The following DHRS13 variants were observed in gnomAD, a reference collection of about 807,000 sequenced individuals.
DHRS13 encodes dehydrogenase/reductase 13, also known as dehydrogenase/reductase SDR family member 13.
Under a neutral mutation model 17.9 loss-of-function variants are expected in DHRS13, and 22 were observed. The ratio of observed to expected loss-of-function variants is 1.23; its 90% CI spans 0.88 to 1.75. The LOEUF (loss-of-function observed/expected upper bound fraction) is 1.75. DHRS13 is among the 40% of genes most tolerant of loss of function. The probability of loss-of-function intolerance (pLI) is 0.00; values close to 1 mark genes in which losing one functional copy is unlikely to be tolerated. For missense variants in DHRS13, 483 were observed against 519.9 expected, an observed-to-expected ratio of 0.93 and a Z score of 0.69; for synonymous variants, 206 against 220.4, an observed-to-expected ratio of 0.93 and a Z score of 0.58.
chr17:28,901,004 T>G lies in DHRS13; in HGVS notation c.668A>C (p.Tyr223Ser). The change falls in exon 4 of 5, where the codon TAT becomes TCT. Residue 223 changes from tyrosine (Y) to serine (S), a missense_variant. Tyr to Ser is a moderately radical substitution (Grantham distance 144, BLOSUM62 -2). Transcript: ENST00000378895. This position sits in a 1 kb window ranked among gnomAD's most constrained non-coding sequence, Gnocchi z 4.3. ...CCAGACCTCACCTGGGTGGGCTGCA[T>G]AGCAGGTGACGCCAGTGGCCTCAAG... ...NQLEATGVTCYAAHPGPVNSE... is the reference protein window; with the variant it reads ...NQLEATGVTCSAAHPGPVNSE... The G allele has an allele frequency of 6.3e-7, 1 of 1,599,512 alleles. No homozygotes were observed. The highest frequency in any genetic ancestry group is 8.5e-7 in the Non-Finnish European group (1 of 1,170,354).
Position 28,898,582 on chromosome 17 carries a change from C to T in DHRS13, c.993G>A (p.Glu331=). Residue 331 remains glutamate, a synonymous_variant, in exon 5 of 5, where the codon GAG becomes GAA. Transcript: ENST00000378895. ...PDEDPQSEDS[E]APSSLSTPHP... ...GGGGGGTGCTTAGAGAAGATGGGGC[C>T]TCTGAGTCCTCAGACTGGGGGTCTT... 25 of 1,612,612 alleles carry T rather than the reference C, an allele frequency of 1.6e-5. No homozygotes were observed. The highest frequency in any genetic ancestry group is 2.1e-5 in the Non-Finnish European group (25 of 1,179,482).
chr17:28,900,816 C>T (rs1474674321), intron 4 of DHRS13, among the ~76,000 whole-genome samples, 174 bp downstream of exon 4: 2 of 152,114 alleles, frequency 1.3e-5, no homozygotes, highest in Non-Finnish European at 2.9e-5. Context: ...ACCAGGAGAA[C>T]CTGGTTCCAA....
rs2039773068 is a variant in DHRS13 at position 28,897,985 on chromosome 17, CTG to C, written c.*454_*455del. On this transcript the variant is annotated 3_prime_UTR_variant, in exon 5 of 5. Coordinates refer to ENST00000378895, the MANE Select transcript of DHRS13 (RefSeq NM_144683.4). This position sits in a 1 kb window ranked among gnomAD's most constrained non-coding sequence, Gnocchi z 4.4. The stretch of plus-strand genomic sequence containing the variant: ...AGATCCCAGGCCCTCCTCCTACTCA[CTG>C]TGAGACCCTAGGCGAGTCCCTTAGC... 4.7e-6 allele frequency: 1 copy of C among 212,930 alleles called. No individual in the cohort carries two copies. The highest frequency in any genetic ancestry group is 9.2e-6 in the Non-Finnish European group (1 of 108,672). 13.2% of individuals were successfully genotyped at this position (212,930 alleles called of 1,614,324 possible).
rs567764579 is a variant in DHRS13, at chr17:28,902,030, G to GC, written c.247-415dup. The GC allele has an allele frequency of 3.6e-4, 63 of 176,434 alleles. No homozygotes were observed. The South Asian group carries it at 3.9e-3, about 11-fold the overall frequency. 10.9% of individuals were successfully genotyped at this position (176,434 alleles called of 1,614,324 possible). A position where few individuals can be genotyped will look rare whatever the true frequency, so the allele number is the denominator to read the frequency against. ...CACTGGTCTCCTCTCTCCCGCTCTT[G>GC]CCCCCCCACTCCAGGCACCACGCAG... On this transcript the variant is annotated intron_variant, in intron 2 of 4. Coordinates refer to ENST00000378895, the MANE Select transcript of DHRS13 (RefSeq NM_144683.4). This position sits in a 1 kb window ranked among gnomAD's most constrained non-coding sequence, Gnocchi z 4.0.
Position 28,898,492 on chromosome 17 carries a change from C to T in DHRS13, c.1083G>A (p.Lys361=), listed in dbSNP as rs755793057. The part of the protein sequence containing the change: ...PSPQSSPDLS[K]MTHRIQAKVE... The stretch of plus-strand genomic sequence containing the variant: ...CTTTAGCCTGAATTCGGTGCGTCAT[C>T]TTAGACAAATCTGGTGAGCTCTGAG... The change falls in exon 5 of 5, where the codon AAG becomes AAA. Residue 361 remains lysine (K), a synonymous_variant. Coordinates refer to ENST00000378895, the MANE Select transcript of DHRS13 (RefSeq NM_144683.4). 6.3e-7 allele frequency: 1 copy of T among 1,594,030 alleles called. No homozygotes were observed. The highest frequency in any genetic ancestry group is 2.3e-5 in the East Asian group (1 of 44,042).
rs754914677 is a variant in DHRS13, at chr17:28,901,510, A to G, written c.353T>C (p.Ile118Thr). The G allele has an allele frequency of 1.9e-6, 3 of 1,614,066 alleles. No individual in the cohort carries two copies. The highest frequency in any genetic ancestry group is 4.5e-5 in the East Asian group (2 of 44,882). The change falls in exon 3 of 5, where the codon ATC becomes ACC. Residue 118 changes from isoleucine to threonine, a missense_variant. Physicochemically the swap from Ile to Thr is moderately conservative, Grantham distance 89. Coordinates refer to ENST00000378895, the MANE Select transcript of DHRS13 (RefSeq NM_144683.4). The surrounding 1 kb of genome is among the most constrained non-coding windows in gnomAD (Gnocchi z 4.3). ...AFLSSEPRLD[I>T]LIHNAGISSC... is the part of the protein sequence containing the mutation. The stretch of plus-strand genomic sequence containing the variant: ...CCCCTCACCGGCATTGTGGATGAGG[A>G]TGTCCAACCGTGGCTCAGAGCTCAG...
chr17:28,902,234 T>G lies in DHRS13; in HGVS notation c.246+349A>C. The G allele has an allele frequency of 5.0e-6, 1 of 199,800 alleles. No homozygotes were observed. The highest frequency in any genetic ancestry group is 1.0e-5 in the Non-Finnish European group (1 of 99,216). The allele number at this position is 199,800 out of a possible 1,614,324, so 12.4% of individuals were successfully genotyped here. A position where few individuals can be genotyped will look rare whatever the true frequency, so the allele number is the denominator to read the frequency against. On this transcript the variant is annotated intron_variant, in intron 2 of 4. Coordinates refer to ENST00000378895, the MANE Select transcript of DHRS13 (RefSeq NM_144683.4). This position sits in a 1 kb window ranked among gnomAD's most constrained non-coding sequence, Gnocchi z 4.0. ...CCTCATACTTTGTGCTCCAGCCTCA[T>G]TAAATCTTTTTCTCAGTTTTTCAGA...
chr17:28,900,950 A>G, intron 4 of DHRS13, 40 bp downstream of exon 4: 1 of 1,547,174 alleles, frequency 6.5e-7, no homozygotes. Context: ...TGGGGCAAGG[A>G]AAGGAGAGGG....
At chr17:28,900,956 G>C in intron 4 of DHRS13, 34 bp downstream of exon 4, 1 of 1,552,670 alleles carries the variant, frequency 6.4e-7, no homozygotes, top group Non-Finnish European at 8.7e-7. Context: ...AAGGAAAGGA[G>C]AGGGGAATCG....
chr17:28,901,064 G>A lies in DHRS13; in HGVS notation c.608C>T (p.Ala203Val). 1 of 1,614,170 alleles carries A rather than the reference G, an allele frequency of 6.2e-7. No homozygotes were observed. The highest frequency in any genetic ancestry group is 8.5e-7 in the Non-Finnish European group (1 of 1,180,014). The change falls in exon 4 of 5, where the codon GCT becomes GTT. Residue 203 changes from alanine (A) to valine (V), a missense_variant. Coordinates refer to ENST00000378895, the MANE Select transcript of DHRS13 (RefSeq NM_144683.4). This position sits in a 1 kb window ranked among gnomAD's most constrained non-coding sequence, Gnocchi z 4.3. ...ELRAYADTKL[A>V]NVLFARELAN... The stretch of plus-strand genomic sequence containing the variant: ...GAGCTCCCGGGCAAACAGTACATTA[G>A]CCAGCTTAGTGTCAGCATATGCCCG...
In DHRS13 at chr17:28,899,206, C is replaced by T; in HGVS notation, c.683-314G>A. The T allele has an allele frequency of 3.9e-6, 1 of 258,846 alleles. No individual in the cohort carries two copies. The highest frequency in any genetic ancestry group is 7.3e-6 in the Non-Finnish European group (1 of 136,528). 16.0% of individuals were successfully genotyped at this position (258,846 alleles called of 1,614,324 possible). A position where few individuals can be genotyped will look rare whatever the true frequency, so the allele number is the denominator to read the frequency against. ...TTCGCTTCCATCCAGACTGCTTGTT[C>T]ACCCCACATCCCAGATTTTGTTCAT... On this transcript the variant is annotated intron_variant, in intron 4 of 4. Transcript: ENST00000378895. This position sits in a 1 kb window ranked among gnomAD's most constrained non-coding sequence, Gnocchi z 4.7.
intron 4 of DHRS13, 118 bp downstream of exon 4, chr17:28,900,872 C>T: frequency 8.7e-7 from 1 of 1,152,548 alleles, no homozygotes; most frequent in Non-Finnish European, 1.2e-6. Flanking sequence ...TTCCTTGCTG[C>T]CCTGAGATTC....
At chr17:28,900,028 C>G (rs1463855975) in intron 4 of DHRS13, among the ~76,000 whole-genome samples, 1 of 152,156 alleles carries the variant, frequency 6.6e-6, no homozygotes. Flanking sequence ...ATTCTCCTGC[C>G]TCAGCCTCCT....
In DHRS13 at chr17:28,898,476, G is replaced by C; in HGVS notation, c.1099C>G (p.Gln367Glu). 1.3e-6 allele frequency: 2 copies of C among 1,573,126 alleles called. No individual in the cohort carries two copies. Among genetic ancestry groups the C allele is most frequent in the Non-Finnish European group, 1.7e-6 (2 of 1,158,608 alleles). ...PDLSKMTHRI[Q>E]AKVEPEIQLS Reference sequence around the variant, plus strand: ...TGGATCTCAGGCTCAACTTTAGCCTGAATTCGGTGCGTCATCTTAGACAAA... The same window carrying C: ...TGGATCTCAGGCTCAACTTTAGCCTCAATTCGGTGCGTCATCTTAGACAAA... The change falls in exon 5 of 5, where the codon CAG becomes GAG. Residue 367 changes from glutamine (Q) to glutamate (E), a missense_variant. Coordinates refer to ENST00000378895, the MANE Select transcript of DHRS13 (RefSeq NM_144683.4).
At chr17:28,900,953 G>T in intron 4 of DHRS13, 37 bp downstream of exon 4, 1 of 1,551,784 alleles carries the variant, frequency 6.4e-7, no homozygotes, top group East Asian at 2.3e-5. Context: ...GGCAAGGAAA[G>T]GAGAGGGGAA....
chr17:28,902,190 C>A lies in DHRS13; in HGVS notation c.246+393G>T. 5.8e-6 allele frequency: 1 copy of A among 173,560 alleles called. No homozygotes were observed. Among genetic ancestry groups the A allele is most frequent in the South Asian group, 1.4e-4 (1 of 7,110 alleles). The allele number at this position is 173,560 out of a possible 1,614,324, so 10.8% of individuals were successfully genotyped here. A position where few individuals can be genotyped will look rare whatever the true frequency, so the allele number is the denominator to read the frequency against. Reference sequence around the variant, plus strand: ...AATAGGCTCTAGAATGTTCTCCAGCCCCCTCATTTGCCCATCTTCCTCATA... The same window carrying A: ...AATAGGCTCTAGAATGTTCTCCAGCACCCTCATTTGCCCATCTTCCTCATA... On this transcript the variant is annotated intron_variant, in intron 2 of 4. Transcript: ENST00000378895. The surrounding 1 kb of genome is among the most constrained non-coding windows in gnomAD (Gnocchi z 4.0).
Position 28,901,520 on chromosome 17 carries a change from G to A in DHRS13, c.343C>T (p.Arg115Trp), listed in dbSNP as rs1326353594. The A allele has an allele frequency of 4.3e-6, 7 of 1,614,006 alleles. No individual in the cohort carries two copies. Among genetic ancestry groups the A allele is most frequent in the Admixed American group, 1.7e-5 (1 of 60,000 alleles). ...GCATTGTGGATGAGGATGTCCAACC[G>A]TGGCTCAGAGCTCAGAAAGGCAGTG... The part of the protein sequence containing the change: ...FATAFLSSEP[R>W]LDILIHNAGI... The change falls in exon 3 of 5, where the codon CGG becomes TGG. Residue 115 changes from arginine to tryptophan, a missense_variant. Arg to Trp is a moderately radical substitution (Grantham distance 101). Transcript: ENST00000378895. This position sits in a 1 kb window ranked among gnomAD's most constrained non-coding sequence, Gnocchi z 4.3.
intron 4 of DHRS13, 56 bp downstream of exon 4, chr17:28,900,934 A>C (rs2039799652): frequency 1.3e-6 from 2 of 1,527,162 alleles, no homozygotes; most frequent in South Asian, 2.5e-5. Flanking sequence ...TGTGGGGGGC[A>C]CAGGATGGGG....
Position 28,901,805 on chromosome 17 carries a change from G to C in DHRS13, c.247-189C>G, listed in dbSNP as rs1280364311. 1 of 876,450 alleles carries C rather than the reference G, an allele frequency of 1.1e-6. No homozygotes were observed. The highest frequency in any genetic ancestry group is 3.1e-5 in the Admixed American group (1 of 32,382). 54.3% of individuals were successfully genotyped at this position (876,450 alleles called of 1,614,324 possible). On this transcript the variant is annotated intron_variant, in intron 2 of 4. Transcript: ENST00000378895. The surrounding 1 kb of genome is among the most constrained non-coding windows in gnomAD (Gnocchi z 4.3). ...TTTACTAAAGTGTGACCTTGGGCAA[G>C]ATACTTAATCTCTCTGGGTCTCAGT...
Sources: gnomAD v4.1 joint callset for allele counts (sites outside exome capture counted in the v4.1 genomes callset) on GRCh38, gnomAD v4.1.1 for gene constraint, Gnocchi (gnomAD v3.1) non-coding constraint, MANE v1.5 for transcripts, NCBI Gene and HGNC (gene_info 2026-07-23, HGNC 2026-07-21) for gene names.